The following ARRB1 variants were observed in gnomAD, a reference collection of about 807,000 sequenced individuals.
ARRB1 encodes beta-arrestin-1.
ARRB1 carries 21 observed loss-of-function variants against 56.8 expected under a neutral mutation model. The observed-to-expected ratio is 0.37, with a 90% CI of 0.26 to 0.53. ARRB1 has a LOEUF of 0.53. Ranked by LOEUF, ARRB1 falls within the 20% of genes least tolerant of loss-of-function variation. ARRB1 has a pLI of 0.88. For missense variants in ARRB1, 424 were observed against 553.7 expected (o/e 0.77, Z 2.35); for synonymous variants, 210 against 218.6 (o/e 0.96, Z 0.35).
intron 1 of ARRB1, among the ~76,000 whole-genome samples, chr11:75,342,329 C>A (rs538879869): frequency 1.3e-5 from 2 of 152,294 alleles, no homozygotes; most frequent in South Asian, 2.1e-4. Context: ...ACCTCACCCC[C>A]CTTCCCTCTG....
In ARRB1 at chr11:75,263,913, G is replaced by A. The variant is rs34824695; in HGVS notation, c.*2250C>T. On this transcript the variant is annotated 3_prime_UTR_variant, in exon 16 of 16. Transcript: ENST00000420843. ...GAGTTAGGGATAGGGGAAGAAGTCT[G>A]CAGGAAAGAGGTCATCCCAAACACT... 5.2e-3 allele frequency among the ~76,000 whole-genome samples: 793 copies of A among 152,322 alleles called. 6 individuals carry two copies. The highest frequency in any genetic ancestry group is 8.2e-3 in the Non-Finnish European group (555 of 68,032).
intron 1 of ARRB1, among the ~76,000 whole-genome samples, chr11:75,348,693 G>A (rs1333258041): frequency 6.6e-6 from 1 of 151,886 alleles, no homozygotes; most frequent in East Asian, 1.9e-4. Context: ...AACCTCCAGG[G>A]CTCAAGTGAT....
chr11:75,311,437 G>A (rs552454), intron 1 of ARRB1, among the ~76,000 whole-genome samples: 67,417 of 152,136 alleles, frequency 0.44, 15,602 homozygotes, highest in East Asian at 0.6. Flanking sequence ...TGAGAAAGTT[G>A]CAGAGAGCAG....
At chr11:75,308,449 CTTA>C (rs1947078802) in intron 1 of ARRB1, among the ~76,000 whole-genome samples, 1 of 152,316 alleles carries the variant, frequency 6.6e-6, no homozygotes, top group Admixed American at 6.5e-5. Context: ...GGCATATTTT[CTTA>C]TTAAGAAATT....
intron 1 of ARRB1, among the ~76,000 whole-genome samples, chr11:75,333,080 C>T (rs886211252): frequency 1.3e-5 from 2 of 152,318 alleles, no homozygotes; most frequent in South Asian, 4.1e-4. Flanking sequence ...CTCAAGACCT[C>T]CTGAGGGCTG....
chr11:75,326,042 C>A (rs1947428228), intron 1 of ARRB1, among the ~76,000 whole-genome samples: 1 of 152,228 alleles, frequency 6.6e-6, no homozygotes, highest in Non-Finnish European at 1.5e-5. Context: ...AAGGTCCCCT[C>A]AAACCTAGGG....
intron 15 of ARRB1, 75 bp downstream of exon 15, chr11:75,267,577 T>C (rs910799391): frequency 6.9e-7 from 1 of 1,446,300 alleles, no homozygotes; most frequent in South Asian, 1.2e-5. Flanking sequence ...TTAATAAGCA[T>C]ATATGCAAAT....
rs554190444 is a variant in ARRB1 at position 75,262,775 on chromosome 11, T to C, written c.*3388A>G. ...TGACAGGCAGGACTGAGAGGCGGCATTGGGGACTTCCAGGACAGAGTTCCT... is the reference window on the plus strand; with the variant it reads ...TGACAGGCAGGACTGAGAGGCGGCACTGGGGACTTCCAGGACAGAGTTCCT... On this transcript the variant is annotated 3_prime_UTR_variant, in exon 16 of 16. Coordinates refer to ENST00000420843, the MANE Select transcript of ARRB1 (RefSeq NM_004041.5). Among the ~76,000 whole-genome samples, 14 of 152,268 alleles carry C rather than the reference T, an allele frequency of 9.2e-5. No individual in the cohort carries two copies. The East Asian group carries it at 9.6e-4, about 10-fold the overall frequency.
At chr11:75,289,571 G>A (rs1453994261) in intron 2 of ARRB1, among the ~76,000 whole-genome samples, 15 of 152,198 alleles carry the variant, frequency 9.9e-5, no homozygotes, top group Admixed American at 6.5e-4. Context: ...AAACTGAGGG[G>A]GAAGCAGGAT....
At chr11:75,283,973 C>T (rs1216478644) in intron 4 of ARRB1, among the ~76,000 whole-genome samples, 1 of 152,140 alleles carries the variant, frequency 6.6e-6, no homozygotes, top group Non-Finnish European at 1.5e-5. Flanking sequence ...AAAGAAGAAC[C>T]TACTCCTACC....
At chr11:75,335,516 T>C (rs1947588748) in intron 1 of ARRB1, among the ~76,000 whole-genome samples, 1 of 151,892 alleles carries the variant, frequency 6.6e-6, no homozygotes, top group African/African-American at 2.4e-5. Flanking sequence ...GCCCAGGAAG[T>C]CAAGGCTATA....
At chr11:75,347,898 C>T (rs1947797075) in intron 1 of ARRB1, among the ~76,000 whole-genome samples, 1 of 152,210 alleles carries the variant, frequency 6.6e-6, no homozygotes. Context: ...TCTATCCTCT[C>T]TGCAGCCTAA....
intron 1 of ARRB1, among the ~76,000 whole-genome samples, chr11:75,350,812 G>T (rs892379867): frequency 6.6e-6 from 1 of 152,182 alleles, no homozygotes; most frequent in East Asian, 1.9e-4. Context: ...GCTCTACCCT[G>T]TGTGATGTGT....
chr11:75,299,321 C>T (rs952917417), intron 1 of ARRB1, among the ~76,000 whole-genome samples: 4 of 151,570 alleles, frequency 2.6e-5, no homozygotes, highest in African/African-American at 4.9e-5. Context: ...AAGAAGACTC[C>T]GCCCACCCAC....
intron 11 of ARRB1, among the ~76,000 whole-genome samples, 172 bp from the exon 12 acceptor site, chr11:75,273,150 T>C (rs537258377): frequency 6.6e-6 from 1 of 152,198 alleles, no homozygotes; most frequent in Admixed American, 6.5e-5. Flanking sequence ...TGCCCTTAGG[T>C]AGCAGGGACC....
chr11:75,336,740 G>A (rs1016501907), intron 1 of ARRB1, among the ~76,000 whole-genome samples: 24 of 152,256 alleles, frequency 1.6e-4, no homozygotes, highest in African/African-American at 5.5e-4. Flanking sequence ...GAAACTTCCA[G>A]TCGGAGAGTG....
chr11:75,283,598 G>A (rs1380229968), intron 4 of ARRB1, 115 bp from the exon 5 acceptor site: 57 of 1,018,666 alleles, frequency 5.6e-5, no homozygotes, highest in Non-Finnish European at 7.8e-5. Context: ...CCTGTCCCAA[G>A]CTCTGTGGGG....
rs571591993 is a variant in ARRB1 at position 75,263,170 on chromosome 11, C to A, written c.*2993G>T. Reference sequence around the variant, plus strand: ...TGCCTGGGGCCTAGTGAGGCTCCCCCACCCCTAGTTTCACTTCAAGGTATC... The same window carrying A: ...TGCCTGGGGCCTAGTGAGGCTCCCCAACCCCTAGTTTCACTTCAAGGTATC... On this transcript the variant is annotated 3_prime_UTR_variant, in exon 16 of 16. Transcript: ENST00000420843. 2.0e-5 allele frequency among the ~76,000 whole-genome samples: 3 copies of A among 152,212 alleles called. No homozygotes were observed. The highest frequency in any genetic ancestry group is 4.4e-5 in the Non-Finnish European group (3 of 68,042).
At chr11:75,324,843 AG>A (rs1380889205) in intron 1 of ARRB1, among the ~76,000 whole-genome samples, 2 of 152,168 alleles carry the variant, frequency 1.3e-5, no homozygotes, top group Non-Finnish European at 2.9e-5. Context: ...GAAGAGAGCA[AG>A]GCCCTTCCTA....
Sources: allele counts gnomAD v4.1 joint callset (sites outside exome capture counted in the v4.1 genomes callset), GRCh38; gene constraint gnomAD v4.1.1; transcripts MANE v1.5; gene names NCBI Gene and HGNC (gene_info 2026-07-23, HGNC 2026-07-21).